The following RAB3C variants were observed in gnomAD, a reference collection of about 807,000 sequenced individuals.
The protein encoded by RAB3C is ras-related protein Rab-3C.
In RAB3C, 17 loss-of-function variants were observed where a neutral mutation model predicts 26.4. That is an observed-to-expected ratio of 0.64 (90% CI 0.44 to 0.97). RAB3C has a LOEUF of 0.97. RAB3C is among the 50% of genes least tolerant of loss of function. The pLI is 0.00. For missense variants in RAB3C, 242 were observed against 281.9 expected (o/e 0.86, Z 1.01); for synonymous variants, 91 against 95.9 (o/e 0.95, Z 0.30).
intron 2 of RAB3C, among the ~76,000 whole-genome samples, chr5:58,628,688 AG>A (rs1747119866): frequency 6.8e-6 from 1 of 146,676 alleles, no homozygotes; most frequent in East Asian, 2.0e-4. Context: ...CCCGGAGCAC[AG>A]GGTAGGGTGA....
chr5:58,785,691 G>A (rs1329128722), intron 3 of RAB3C, among the ~76,000 whole-genome samples: 1 of 152,178 alleles, frequency 6.6e-6, no homozygotes, highest in African/African-American at 2.4e-5. Flanking sequence ...TAATCTCTAG[G>A]ACCTGTGAAT....
intron 1 of RAB3C, among the ~76,000 whole-genome samples, chr5:58,583,545 TCTC>T (rs1305471296): frequency 6.6e-6 from 1 of 152,110 alleles, no homozygotes; most frequent in Non-Finnish European, 1.5e-5. Flanking sequence ...TTGGCATTGA[TCTC>T]CTCTCTTGGC....
Position 58,672,003 on chromosome 5 carries a change from C to G in RAB3C, c.253-53999C>G, listed in dbSNP as rs558108219. 2.0e-4 allele frequency among the ~76,000 whole-genome samples: 31 copies of G among 152,188 alleles called. No individual in the cohort carries two copies. The South Asian group carries it at 5.2e-3, about 25-fold the overall frequency. On this transcript the variant is annotated intron_variant, in intron 2 of 4. Coordinates refer to ENST00000282878, the MANE Select transcript of RAB3C (RefSeq NM_138453.4). Reference sequence around the variant, plus strand: ...ATATACCAATCAGGTACTCTTCATTCATCTTTTCAGCTTGGCATATTATAA... The same window carrying G: ...ATATACCAATCAGGTACTCTTCATTGATCTTTTCAGCTTGGCATATTATAA...
At chr5:58,710,701 TCCCTGGCTTTC>T (rs1749040161) in intron 2 of RAB3C, among the ~76,000 whole-genome samples, 1 of 152,112 alleles carries the variant, frequency 6.6e-6, no homozygotes, top group African/African-American at 2.4e-5. Flanking sequence ...TGGTATCTTC[TCCCTGGCTTTC>T]CCCTGCTCTT....
intron 3 of RAB3C, among the ~76,000 whole-genome samples, chr5:58,811,451 C>T (rs915767891): frequency 1.9e-4 from 29 of 151,766 alleles, no homozygotes; most frequent in African/African-American, 6.3e-4. Context: ...GCTTTGGAAA[C>T]ATTTATTGAG....
chr5:58,771,394 T>C (rs1033965566), intron 3 of RAB3C, among the ~76,000 whole-genome samples: 8 of 152,140 alleles, frequency 5.3e-5, no homozygotes, highest in African/African-American at 1.4e-4. Flanking sequence ...CTTTAAACTC[T>C]TAGTTAACAT....
At chr5:58,720,392 A>G (rs1740721831) in intron 2 of RAB3C, among the ~76,000 whole-genome samples, 1 of 151,912 alleles carries the variant, frequency 6.6e-6, no homozygotes, top group African/African-American at 2.4e-5. Flanking sequence ...GAATGAATCA[A>G]TCAGTGTTAA....
chr5:58,606,893 C>T (rs1485802214), intron 1 of RAB3C, among the ~76,000 whole-genome samples: 4 of 152,094 alleles, frequency 2.6e-5, no homozygotes, highest in Non-Finnish European at 5.9e-5. Flanking sequence ...ACATCCACAC[C>T]AAAACCCCAT....
intron 2 of RAB3C, among the ~76,000 whole-genome samples, chr5:58,714,373 C>T (rs1166158488): frequency 1.3e-5 from 2 of 152,064 alleles, no homozygotes; most frequent in Non-Finnish European, 2.9e-5. Context: ...CCCAGCTAAA[C>T]ATTATTCATA....
At chr5:58,624,875 GA>G (rs913958877) in intron 2 of RAB3C, among the ~76,000 whole-genome samples, 7 of 147,360 alleles carry the variant, frequency 4.8e-5, no homozygotes, top group East Asian at 2.0e-4. Context: ...CCACTCAACT[GA>G]AAAAAAAACA....
intron 2 of RAB3C, among the ~76,000 whole-genome samples, chr5:58,696,987 C>T (rs553998125): frequency 1.7e-4 from 26 of 152,208 alleles, no homozygotes; most frequent in African/African-American, 4.6e-4. Flanking sequence ...TTTGCTCTTA[C>T]TTCTCTAGTT....
At chr5:58,666,933 A>G (rs1383095127) in intron 2 of RAB3C, among the ~76,000 whole-genome samples, 1 of 152,208 alleles carries the variant, frequency 6.6e-6, no homozygotes, top group Non-Finnish European at 1.5e-5. Context: ...CTTTTATTGC[A>G]TCTGAACATT....
intron 2 of RAB3C, among the ~76,000 whole-genome samples, chr5:58,721,250 A>C (rs1355974485): frequency 3.1e-5 from 3 of 95,290 alleles, no homozygotes; most frequent in Non-Finnish European, 6.1e-5. Flanking sequence ...TTTTTTTTCA[A>C]AAAAAAAAAA....
Position 58,853,209 on chromosome 5 carries a change from C to G in RAB3C, c.*1858C>G, listed in dbSNP as rs1429039828. 6.6e-6 allele frequency: 1 copy of G among 152,048 alleles called. No individual in the cohort carries two copies. Among genetic ancestry groups the G allele is most frequent in the African/African-American group, 2.4e-5 (1 of 41,408 alleles). The allele number at this position is 152,048 out of a possible 1,614,324, so 9.4% of individuals were successfully genotyped here. ...TTCAAAATCACAGGAATTACAGTGACGGGAGAGAAAGAAGCAGGAGGCATA... is the reference window on the plus strand; with the variant it reads ...TTCAAAATCACAGGAATTACAGTGAGGGGAGAGAAAGAAGCAGGAGGCATA... On this transcript the variant is annotated 3_prime_UTR_variant, in exon 5 of 5. Coordinates refer to ENST00000282878, the MANE Select transcript of RAB3C (RefSeq NM_138453.4).
In RAB3C at chr5:58,857,185, G is replaced by A. The variant is rs767643074; in HGVS notation, c.*5834G>A. ...GTGTGAGATGCTTTGATAGCTGTGTGACTTATTCAAATGATTTTCTTGTAG... is the reference window on the plus strand; with the variant it reads ...GTGTGAGATGCTTTGATAGCTGTGTAACTTATTCAAATGATTTTCTTGTAG... On this transcript the variant is annotated 3_prime_UTR_variant, in exon 5 of 5. Coordinates refer to ENST00000282878, the MANE Select transcript of RAB3C (RefSeq NM_138453.4). The A allele has an allele frequency of 6.6e-6, 1 of 152,158 alleles. No homozygotes were observed. The highest frequency in any genetic ancestry group is 2.4e-5 in the African/African-American group (1 of 41,438). The allele number at this position is 152,158 out of a possible 1,614,324, so 9.4% of individuals were successfully genotyped here. A position where few individuals can be genotyped will look rare whatever the true frequency, so the allele number is the denominator to read the frequency against.
chr5:58,836,042 G>T lies in RAB3C; in HGVS notation c.496+10880G>T, dbSNP rs1332013660. The stretch of plus-strand genomic sequence containing the variant: ...AATCACACTAACCAAACTCACAGGG[G>T]ACAGATTTCTAATTTAAAATGCCTT... On this transcript the variant is annotated intron_variant, in intron 4 of 4. Coordinates refer to ENST00000282878, the MANE Select transcript of RAB3C (RefSeq NM_138453.4). Among the ~76,000 whole-genome samples the T allele has an allele frequency of 2.0e-5, 3 of 152,254 alleles. No homozygotes were observed. The East Asian group carries it at 5.8e-4, about 29-fold the overall frequency.
chr5:58,644,981 G>C (rs750132312), intron 2 of RAB3C, among the ~76,000 whole-genome samples: 3 of 152,154 alleles, frequency 2.0e-5, no homozygotes, highest in Non-Finnish European at 4.4e-5. Flanking sequence ...ACCAAACCGA[G>C]TAATTCAAGA....
intron 2 of RAB3C, among the ~76,000 whole-genome samples, chr5:58,648,253 C>T (rs1354852184): frequency 6.6e-6 from 1 of 152,206 alleles, no homozygotes; most frequent in African/African-American, 2.4e-5. Context: ...TCTCAGCACA[C>T]TGCTTTTCTA....
chr5:58,630,717 T>C (rs1747170276), intron 2 of RAB3C, among the ~76,000 whole-genome samples: 1 of 152,188 alleles, frequency 6.6e-6, no homozygotes, highest in Non-Finnish European at 1.5e-5. Flanking sequence ...AGAGTAGTTT[T>C]CAATTCAGAG....
Sources: gnomAD v4.1 joint callset for allele counts (sites outside exome capture counted in the v4.1 genomes callset) on GRCh38, gnomAD v4.1.1 for gene constraint, MANE v1.5 for transcripts, NCBI Gene and HGNC (gene_info 2026-07-23, HGNC 2026-07-21) for gene names.